Variants in ZBTB7C observed in about 807,000 individuals in gnomAD.
ZBTB7C encodes zinc finger and BTB domain-containing protein 7C.
In ZBTB7C, 8 loss-of-function variants were observed where a neutral mutation model predicts 25.7. The observed-to-expected ratio is 0.31, with a 90% CI of 0.18 to 0.56. The LOEUF (loss-of-function observed/expected upper bound fraction) is 0.56. Ranked by LOEUF, ZBTB7C falls within the 20% of genes least tolerant of loss-of-function variation. The pLI, the probability that ZBTB7C is intolerant of heterozygous loss-of-function variation, is 0.91. For missense variants in ZBTB7C, 824 were observed against 855.2 expected (o/e 0.96, Z 0.46); for synonymous variants, 394 against 369.0 (o/e 1.07, Z -0.78).
intron 3 of ZBTB7C, among the ~76,000 whole-genome samples, chr18:48,117,341 C>A (rs2039476106): frequency 6.6e-6 from 1 of 152,182 alleles, no homozygotes; most frequent in African/African-American, 2.4e-5. Flanking sequence ...TGAATAAATG[C>A]TGAACTGAGA....
intron 2 of ZBTB7C, among the ~76,000 whole-genome samples, chr18:48,300,960 A>G (rs1304907030): frequency 6.6e-6 from 1 of 152,210 alleles, no homozygotes; most frequent in African/African-American, 2.4e-5. Flanking sequence ...GGTTTTCAGA[A>G]AGTAAAAGAC....
intron 2 of ZBTB7C, among the ~76,000 whole-genome samples, chr18:48,267,659 A>G (rs953896612): frequency 6.6e-6 from 1 of 152,122 alleles, no homozygotes; most frequent in African/African-American, 2.4e-5. Context: ...TTCCAAGGAG[A>G]TGGTGTTAGA....
intron 2 of ZBTB7C, among the ~76,000 whole-genome samples, chr18:48,319,831 A>C (rs1252188542): frequency 6.6e-6 from 1 of 152,192 alleles, no homozygotes; most frequent in Non-Finnish European, 1.5e-5. Context: ...ACACAGACCA[A>C]TAAAGAGACT....
chr18:48,388,442 G>C (rs2047800980), intron 1 of ZBTB7C, among the ~76,000 whole-genome samples: 1 of 152,140 alleles, frequency 6.6e-6, no homozygotes, highest in Non-Finnish European at 1.5e-5. Flanking sequence ...AGTGTGTTGG[G>C]TATATAGAAA....
chr18:48,222,301 G>A (rs2042982986), intron 2 of ZBTB7C, among the ~76,000 whole-genome samples: 1 of 152,316 alleles, frequency 6.6e-6, no homozygotes, highest in African/African-American at 2.4e-5. Context: ...CACAGCTAAG[G>A]TGTGCTCCCT....
chr18:48,349,119 G>A (rs981712235), intron 1 of ZBTB7C, among the ~76,000 whole-genome samples: 1 of 152,192 alleles, frequency 6.6e-6, no homozygotes, highest in Admixed American at 6.5e-5. Context: ...CTGGCTGGCT[G>A]GTGGCTGGCA....
At chr18:48,115,426 AT>A (rs1036382068) in intron 3 of ZBTB7C, among the ~76,000 whole-genome samples, 15 of 151,378 alleles carry the variant, frequency 9.9e-5, no homozygotes, top group African/African-American at 3.6e-4. Context: ...TTTTTTTTGT[AT>A]TTTTAGTAGA....
chr18:48,252,580 G>C (rs577746427), intron 2 of ZBTB7C: 2 of 152,120 alleles, frequency 1.3e-5, no homozygotes, highest in Non-Finnish European at 2.9e-5. Flanking sequence ...GCCTCTTCCC[G>C]TCAGGTCCCT....
chr18:48,029,125 G>A lies in ZBTB7C; in HGVS notation c.*135C>T. ...AGGAGCCCGGGAAAATGCCATCACT[G>A]ATAGTATTATTATTATTTTCCCATT... On this transcript the variant is annotated 3_prime_UTR_variant, in exon 5 of 5. Coordinates refer to ENST00000590800, the MANE Select transcript of ZBTB7C (RefSeq NM_001318841.2). The A allele has an allele frequency of 8.1e-7, 1 of 1,230,272 alleles. No homozygotes were observed. Among genetic ancestry groups the A allele is most frequent in the South Asian group, 1.5e-5 (1 of 65,088 alleles). The allele number at this position is 1,230,272 out of a possible 1,614,324, so 76.2% of individuals were successfully genotyped here.
At chr18:48,167,138 G>C (rs2144994775) in intron 3 of ZBTB7C, among the ~76,000 whole-genome samples, 1 of 152,248 alleles carries the variant, frequency 6.6e-6, no homozygotes. Context: ...GCAATATCCA[G>C]ACCCTTCCTC....
At chr18:48,318,536 C>T (rs1425274509) in intron 2 of ZBTB7C, among the ~76,000 whole-genome samples, 8 of 152,316 alleles carry the variant, frequency 5.3e-5, no homozygotes, top group African/African-American at 1.4e-4. Context: ...CTAGGAGGGT[C>T]GCATCTGCGG....
intron 3 of ZBTB7C, among the ~76,000 whole-genome samples, chr18:48,142,009 G>C (rs7231174): frequency 0.021 from 3,126 of 152,316 alleles, 114 homozygotes; most frequent in African/African-American, 0.072. Flanking sequence ...AGAACAGACA[G>C]GGAGCCACGA....
At chr18:48,059,528 G>A (rs1207947943) in intron 3 of ZBTB7C, among the ~76,000 whole-genome samples, 7 of 152,158 alleles carry the variant, frequency 4.6e-5, no homozygotes, top group African/African-American at 1.7e-4. Context: ...GTCCCATGGT[G>A]TGCCTGACTC....
intron 3 of ZBTB7C, among the ~76,000 whole-genome samples, chr18:48,161,295 G>A (rs1222609432): frequency 1.3e-5 from 2 of 151,976 alleles, no homozygotes; most frequent in Non-Finnish European, 2.9e-5. Flanking sequence ...GGGAGTGGGA[G>A]AGTCCAGGGA....
intron 2 of ZBTB7C, among the ~76,000 whole-genome samples, chr18:48,212,869 A>G (rs547410499): frequency 1.5e-4 from 23 of 152,200 alleles, no homozygotes; most frequent in Non-Finnish European, 3.4e-4. Context: ...AGGAGAATAT[A>G]GGCCAACTTC....
chr18:48,245,103 TACACACACACACACACACACC>T (rs2043643663), intron 2 of ZBTB7C, among the ~76,000 whole-genome samples: 1 of 144,546 alleles, frequency 6.9e-6, no homozygotes, highest in African/African-American at 2.6e-5. Flanking sequence ...TATATATATA[TACACACACACACACACACACC>T]ATGGAATACT....
chr18:48,029,928 G>A lies in ZBTB7C; in HGVS notation c.1209-17C>T. On this transcript the variant is annotated splice_polypyrimidine_tract_variant and intron_variant, in intron 4 of 4. Transcript: ENST00000590800. ...TTGTCCTGCCTGCAATGCAGAGACT[G>A]GGGGTCAGTCCCGCAGGGAACACCA... The A allele has an allele frequency of 1.9e-6, 3 of 1,609,458 alleles. No homozygotes were observed. Among genetic ancestry groups the A allele is most frequent in the Non-Finnish European group, 2.5e-6 (3 of 1,179,956 alleles).
chr18:48,138,554 T>C (rs76982999), intron 3 of ZBTB7C, among the ~76,000 whole-genome samples: 3,131 of 152,218 alleles, frequency 0.021, 114 homozygotes, highest in African/African-American at 0.072. Context: ...GGCTGTGGAC[T>C]GCTGCGTGAG....
Position 48,029,435 on chromosome 18 carries a change from G to A in ZBTB7C, c.1685C>T (p.Ala562Val), listed in dbSNP as rs200312432. 393 of 1,591,434 alleles carry A rather than the reference G, an allele frequency of 2.5e-4. 2 individuals carry two copies. In the African/African-American group the frequency reaches 4.8e-3, roughly 19 times the overall value. The change falls in exon 5 of 5, where the codon GCG becomes GTG. Residue 562 changes from alanine (A) to valine (V), a missense_variant. Coordinates refer to ENST00000590800, the MANE Select transcript of ZBTB7C (RefSeq NM_001318841.2). The part of the protein sequence containing the change: ...EETQMKLFGR[A>V]QLEAERNAGG... ...CGCGTTCCTCTCAGCCTCCAGCTGC[G>A]CGCGCCCGAACAGCTTCATCTGTGT...
Sources: gnomAD v4.1 joint callset for allele counts (sites outside exome capture counted in the v4.1 genomes callset) on GRCh38, gnomAD v4.1.1 for gene constraint, MANE v1.5 for transcripts, NCBI Gene and HGNC (gene_info 2026-07-23, HGNC 2026-07-21) for gene names.